ARB2A: variants seen among roughly 807,000 people sequenced by gnomAD.
ARB2A encodes cotranscriptional regulator ARB2A.
chr5:93,960,090 C>G, the ARB2A span, among the ~76,000 whole-genome samples: 40 of 146,150 alleles, frequency 2.7e-4, 3 homozygotes, highest in African/African-American at 9.2e-4. Context: ...TGCCCCCCCC[C>G]CCCCCAAAAA....
the ARB2A span, among the ~76,000 whole-genome samples, chr5:93,849,050 A>G: frequency 6.6e-6 from 1 of 152,208 alleles, no homozygotes; most frequent in Non-Finnish European, 1.5e-5. Flanking sequence ...CATTTGTTAC[A>G]GCAGGCTGTC....
the ARB2A span, among the ~76,000 whole-genome samples, chr5:93,836,382 CG>C: frequency 6.6e-6 from 1 of 152,158 alleles, no homozygotes; most frequent in Non-Finnish European, 1.5e-5. Flanking sequence ...CCAGAAGAAA[CG>C]GAACACAGAT....
At chr5:93,679,183 T>C in the ARB2A span, among the ~76,000 whole-genome samples, 11 of 152,172 alleles carry the variant, frequency 7.2e-5, no homozygotes, top group African/African-American at 2.7e-4. Flanking sequence ...TTTAAAATTA[T>C]AATTAGTGTT....
chr5:94,090,974 G>C, the ARB2A span, among the ~76,000 whole-genome samples: 1 of 152,070 alleles, frequency 6.6e-6, no homozygotes, highest in Admixed American at 6.5e-5. Context: ...AAATAGGAAT[G>C]CTTTAACAGT....
At chr5:93,742,465 T>C in the ARB2A span, among the ~76,000 whole-genome samples, 1 of 152,142 alleles carries the variant, frequency 6.6e-6, no homozygotes, top group African/African-American at 2.4e-5. Flanking sequence ...TCTTAATTTG[T>C]CCCTCCATCA....
the ARB2A span, among the ~76,000 whole-genome samples, chr5:94,099,466 T>C: frequency 6.6e-6 from 1 of 151,022 alleles, no homozygotes; most frequent in Non-Finnish European, 1.5e-5. Flanking sequence ...CTACTAAAAA[T>C]ACAAAAAATT....
the ARB2A span, among the ~76,000 whole-genome samples, chr5:93,855,309 T>C: frequency 1.3e-5 from 2 of 152,276 alleles, no homozygotes; most frequent in African/African-American, 2.4e-5. Context: ...TCCATTGGCT[T>C]GGTAGATCTT....
the ARB2A span, among the ~76,000 whole-genome samples, chr5:94,110,135 T>G: frequency 1.3e-5 from 2 of 152,178 alleles, no homozygotes; most frequent in African/African-American, 4.8e-5. Flanking sequence ...TCCGTCCGCC[T>G]CGGCCTCCCA....
the ARB2A span, among the ~76,000 whole-genome samples, chr5:93,643,081 C>T: frequency 6.6e-6 from 1 of 152,102 alleles, no homozygotes; most frequent in African/African-American, 2.4e-5. Context: ...AATGCACAGA[C>T]AATATCCATT....
chr5:93,669,120 T>C, the ARB2A span, among the ~76,000 whole-genome samples: 1 of 152,236 alleles, frequency 6.6e-6, no homozygotes, highest in East Asian at 1.9e-4. Flanking sequence ...ACCACATTTA[T>C]CCCTTCCTAA....
chr5:94,063,539 C>A, the ARB2A span, among the ~76,000 whole-genome samples: 1 of 152,142 alleles, frequency 6.6e-6, no homozygotes, highest in East Asian at 1.9e-4. Context: ...ACAAGTAAGC[C>A]ACCTAGAGAT....
chr5:93,959,850 T>C, the ARB2A span, among the ~76,000 whole-genome samples: 5 of 152,156 alleles, frequency 3.3e-5, no homozygotes, highest in African/African-American at 1.2e-4. Flanking sequence ...TCCCAACCTT[T>C]TGTTACATAT....
chr5:93,897,536 T>C, the ARB2A span, among the ~76,000 whole-genome samples: 1 of 152,016 alleles, frequency 6.6e-6, no homozygotes, highest in Non-Finnish European at 1.5e-5. Context: ...GGTCATTTGC[T>C]AAAGTACTTT....
At chr5:93,689,064 A>T in the ARB2A span, among the ~76,000 whole-genome samples, 1 of 152,080 alleles carries the variant, frequency 6.6e-6, no homozygotes, top group South Asian at 2.1e-4. Context: ...GCTCTCCATG[A>T]CCTGGCTCCT....
chr5:94,015,239 A>C, the ARB2A span, among the ~76,000 whole-genome samples: 1 of 152,162 alleles, frequency 6.6e-6, no homozygotes, highest in African/African-American at 2.4e-5. Context: ...GAGTGAGATG[A>C]CATTTTCAAA....
chr5:94,076,460 G>T, the ARB2A span, among the ~76,000 whole-genome samples: 1 of 152,150 alleles, frequency 6.6e-6, no homozygotes, highest in South Asian at 2.1e-4. Context: ...GACTCTGGGG[G>T]TACTATGGTG....
At chr5:94,103,352 G>A in the ARB2A span, among the ~76,000 whole-genome samples, 3 of 151,976 alleles carry the variant, frequency 2.0e-5, no homozygotes, top group African/African-American at 4.8e-5. Flanking sequence ...AAACAAAAAA[G>A]AGACAGATTG....
At chr5:93,925,647 T>G in the ARB2A span, among the ~76,000 whole-genome samples, 1 of 152,186 alleles carries the variant, frequency 6.6e-6, no homozygotes, top group African/African-American at 2.4e-5. Flanking sequence ...CTGGTATTTT[T>G]GGACTATGGT....
At chr5:93,769,561 T>G in the ARB2A span, among the ~76,000 whole-genome samples, 4 of 152,134 alleles carry the variant, frequency 2.6e-5, no homozygotes, top group Non-Finnish European at 5.9e-5. Flanking sequence ...AGTGGTAAGT[T>G]TTTATAAGTA....
Sources: gnomAD v4.1 joint callset for allele counts (sites outside exome capture counted in the v4.1 genomes callset) on GRCh38, gnomAD v4.1.1 for gene constraint, MANE v1.5 for transcripts, NCBI Gene and HGNC (gene_info 2026-07-23, HGNC 2026-07-21) for gene names.